The following DDX24 variants were observed in gnomAD, a reference collection of about 807,000 sequenced individuals.
DDX24 encodes the protein DEAD-box helicase 24.
In DDX24, 24 loss-of-function variants were observed where a neutral mutation model predicts 68.9. The observed-to-expected ratio is 0.35, with a 90% CI of 0.25 to 0.49. DDX24 has a LOEUF of 0.49. Among genes scored for constraint, DDX24 ranks in the 20% least tolerant of loss-of-function variants. DDX24 has a pLI of 0.99. For missense variants in DDX24, 989 were observed against 1,039.0 expected, an observed-to-expected ratio of 0.95 and a Z score of 0.66; for synonymous variants, 395 against 385.2, an observed-to-expected ratio of 1.03 and a Z score of -0.30.
At chr14:94,059,497 G>A (rs964012806) in intron 5 of DDX24, among the ~76,000 whole-genome samples, 7 of 152,216 alleles carry the variant, frequency 4.6e-5, no homozygotes, top group African/African-American at 1.7e-4. Context: ...ATGGTAATAA[G>A]TAGTAAAGGG....
intron 2 of DDX24, among the ~76,000 whole-genome samples, chr14:94,065,404 C>CACACACACACACACACACACACACACA (rs1273445819): frequency 6.6e-6 from 1 of 151,938 alleles, no homozygotes; most frequent in Non-Finnish European, 1.5e-5. Context: ...CACACACACA[C>CACACACACACACACACACACACACACA]AAATTCAGTG....
At chr14:94,063,030 T>A (rs1195588879) in intron 2 of DDX24, among the ~76,000 whole-genome samples, 1 of 152,194 alleles carries the variant, frequency 6.6e-6, no homozygotes, top group East Asian at 1.9e-4. Flanking sequence ...AATGTAAATA[T>A]AAAACTTTTG....
intron 2 of DDX24, 116 bp from the exon 3 acceptor site, chr14:94,062,737 G>A (rs1885623965): frequency 9.0e-6 from 11 of 1,223,734 alleles, no homozygotes; most frequent in Non-Finnish European, 1.1e-5. Flanking sequence ...CACCCTGACC[G>A]ACCCAAAGCT....
At position 94,060,609 on chromosome 14, in the gene DDX24, G is replaced by A. The variant is rs547311838; in HGVS notation, c.1402C>T (p.Leu468=). The change falls in exon 5 of 9, where the codon CTG becomes TTG. Residue 468 remains leucine (L), a synonymous_variant. Transcript: ENST00000621632. ...HLRNLRQLRC[L]VVDEADRMVE... The stretch of plus-strand genomic sequence containing the variant: ...ATCCGGTCAGCCTCATCCACTACCA[G>A]GCACCTGCAGATCCAGAGAGACCCA... 1.9e-6 allele frequency: 3 copies of A among 1,612,524 alleles called. No individual in the cohort carries two copies. The highest frequency in any genetic ancestry group is 1.7e-5 in the Admixed American group (1 of 59,922).
chr14:94,063,925 AC>A (rs1388113986), intron 2 of DDX24, among the ~76,000 whole-genome samples: 4 of 152,182 alleles, frequency 2.6e-5, no homozygotes, highest in African/African-American at 9.6e-5. Flanking sequence ...AAAAAACAAA[AC>A]CCCTTATTTT....
At chr14:94,066,498 G>T (rs1258122260) in intron 2 of DDX24, among the ~76,000 whole-genome samples, 1 of 152,170 alleles carries the variant, frequency 6.6e-6, no homozygotes, top group Non-Finnish European at 1.5e-5. Flanking sequence ...GATGCTTTCT[G>T]GAAAGTGCCA....
Position 94,078,336 on chromosome 14 carries a change from A to G in DDX24, c.718+689T>C, listed in dbSNP as rs141508741. Among the ~76,000 whole-genome samples the G allele has an allele frequency of 1.5e-3, 222 of 152,290 alleles. 1 individual carries two copies. The highest frequency in any genetic ancestry group is 3.4e-3 in the Middle Eastern group (1 of 294). ...TAATGGACACTGCTGGTCTAAACAG[A>G]CCAATAGTTCCAGGCAGTACTAGTT... On this transcript the variant is annotated intron_variant, in intron 2 of 8. Coordinates refer to ENST00000621632, the MANE Select transcript of DDX24 (RefSeq NM_020414.4).
intron 7 of DDX24, 36 bp downstream of exon 7, chr14:94,054,960 C>CCCT (rs1885463427): frequency 1.9e-6 from 3 of 1,603,928 alleles, no homozygotes; most frequent in Non-Finnish European, 2.6e-6. Context: ...GCAGCACAAT[C>CCCT]CCTTCATTAG....
intron 8 of DDX24, 113 bp from the exon 9 acceptor site, chr14:94,051,575 G>A (rs1885389487): frequency 4.3e-6 from 6 of 1,393,554 alleles, no homozygotes; most frequent in South Asian, 1.5e-5. Context: ...GGGAGGCAGG[G>A]TTCAAAAGTT....
Position 94,053,368 on chromosome 14 carries a change from T to C in DDX24, c.2179-241A>G, listed in dbSNP as rs1885428046. 3 of 312,912 alleles carry C rather than the reference T, an allele frequency of 9.6e-6. No individual in the cohort carries two copies. The South Asian group carries it at 1.4e-4, about 14-fold the overall frequency. The allele number at this position is 312,912 out of a possible 1,614,324, so 19.4% of individuals were successfully genotyped here. A position where few individuals can be genotyped will look rare whatever the true frequency, so the allele number is the denominator to read the frequency against. On this transcript the variant is annotated intron_variant, in intron 7 of 8. Transcript: ENST00000621632. ...ATGCCTAGGTAATTTCTTTTTTTTT[T>C]TTTTTTTTTTTTTTTTTTTCGTAAA...
chr14:94,073,399 C>G (rs1290083115), intron 2 of DDX24, among the ~76,000 whole-genome samples: 3 of 152,078 alleles, frequency 2.0e-5, no homozygotes, highest in Admixed American at 2.0e-4. Flanking sequence ...TAATTCAACT[C>G]AAAGACACGA....
rs930041589 is a variant in DDX24 at position 94,051,078 on chromosome 14, A to C, written c.*113T>G. 7.6e-7 allele frequency: 1 copy of C among 1,313,530 alleles called. No homozygotes were observed. The highest frequency in any genetic ancestry group is 1.5e-5 in the African/African-American group (1 of 66,648). 81.4% of individuals were successfully genotyped at this position (1,313,530 alleles called of 1,614,324 possible). On this transcript the variant is annotated 3_prime_UTR_variant, in exon 9 of 9. Transcript: ENST00000621632. The stretch of plus-strand genomic sequence containing the variant: ...CCCGCTATGGGTGTGAGTGGAAGAG[A>C]GGGAGACTTTTTTACCTGGGGTTGG...
intron 2 of DDX24, among the ~76,000 whole-genome samples, chr14:94,065,199 C>T (rs1481594235): frequency 4.6e-5 from 7 of 151,994 alleles, no homozygotes; most frequent in Non-Finnish European, 1.5e-5. Flanking sequence ...CAGGCATCTG[C>T]CACCACACCC....
At chr14:94,061,701 C>T (rs1885600676) in intron 3 of DDX24, among the ~76,000 whole-genome samples, 1 of 152,212 alleles carries the variant, frequency 6.6e-6, no homozygotes, top group Admixed American at 6.5e-5. Flanking sequence ...GTGAACATTA[C>T]TGACCTCATA....
rs142768645 is a variant in DDX24 at position 94,077,439 on chromosome 14, A to T, written c.718+1586T>A. Among the ~76,000 whole-genome samples, 25 of 152,326 alleles carry T rather than the reference A, an allele frequency of 1.6e-4. No individual in the cohort carries two copies. In the East Asian group the frequency reaches 3.5e-3, roughly 21 times the overall value. On this transcript the variant is annotated intron_variant, in intron 2 of 8. Coordinates refer to ENST00000621632, the MANE Select transcript of DDX24 (RefSeq NM_020414.4). Reference sequence around the variant, plus strand: ...ACTTACTTCCAGGACTCTGCTGCACATACCAAAGCAGTGTAGCAGAATGCT... The same window carrying T: ...ACTTACTTCCAGGACTCTGCTGCACTTACCAAAGCAGTGTAGCAGAATGCT...
chr14:94,056,070 C>CT (rs1346567131), intron 6 of DDX24: 30 of 152,192 alleles, frequency 2.0e-4, no homozygotes, highest in African/African-American at 7.2e-4. Flanking sequence ...GGATCCAATA[C>CT]TTCTTAGGGG....
chr14:94,057,855 A>G lies in DDX24; in HGVS notation c.1956T>C (p.Asp652=), dbSNP rs756197526. ...LATDVAARGL[D]IPKVQHVIHY... is the part of the protein sequence containing the mutation. ...GGATGACATGCTGGACTTTAGGAAT[A>G]TCCAGACCCCGAGCTGCCACATCTG... is the stretch of plus-strand genomic sequence containing the variant. The change falls in exon 6 of 9, where the codon GAT becomes GAC. Residue 652 remains aspartate (D), a synonymous_variant. Transcript: ENST00000621632. 4 of 1,614,028 alleles carry G rather than the reference A, an allele frequency of 2.5e-6. No homozygotes were observed. The East Asian group carries it at 8.9e-5, about 36-fold the overall frequency.
rs1885362379 is a variant in DDX24, at chr14:94,050,138, T to C, written c.*1053A>G. ...ATCATCTATGCTTCTCCCATGGTTG[T>C]GGGAGTTGTGGATACTCACCTACAC... On this transcript the variant is annotated 3_prime_UTR_variant, in exon 9 of 9. Coordinates refer to ENST00000621632, the MANE Select transcript of DDX24 (RefSeq NM_020414.4). The C allele has an allele frequency of 6.6e-6, 1 of 152,198 alleles. No individual in the cohort carries two copies. The highest frequency in any genetic ancestry group is 1.5e-5 in the Non-Finnish European group (1 of 68,046). The allele number at this position is 152,198 out of a possible 1,614,324, so 9.4% of individuals were successfully genotyped here.
rs150012797 is a variant in DDX24 at position 94,060,451 on chromosome 14, G to A, written c.1560C>T (p.Ile520=). The part of the protein sequence containing the change: ...LTLVHQAPAR[I]LHKKHTKKMD... ...TTTTCTTGGTGTGCTTCTTATGAAG[G>A]ATTCGAGCAGGAGCCTGATGCACCA... The change falls in exon 5 of 9, where the codon ATC becomes ATT. Residue 520 remains isoleucine, a synonymous_variant. Coordinates refer to ENST00000621632, the MANE Select transcript of DDX24 (RefSeq NM_020414.4). 6.2e-7 allele frequency: 1 copy of A among 1,613,998 alleles called. No individual in the cohort carries two copies. The highest frequency in any genetic ancestry group is 1.7e-5 in the Admixed American group (1 of 59,996).
Sources: gnomAD v4.1 joint callset for allele counts (sites outside exome capture counted in the v4.1 genomes callset) on GRCh38, gnomAD v4.1.1 for gene constraint, MANE v1.5 for transcripts, NCBI Gene and HGNC (gene_info 2026-07-23, HGNC 2026-07-21) for gene names.